NKX6-3: variants seen among roughly 807,000 people sequenced by gnomAD.
NKX6-3 encodes the protein NK6 homeobox 3.
In NKX6-3, 17 loss-of-function variants were observed where a neutral mutation model predicts 22.0. That is an observed-to-expected ratio of 0.77 (90% CI 0.53 to 1.16). NKX6-3 has a LOEUF of 1.16. Ranked by LOEUF, NKX6-3 falls within the 50% of genes most tolerant of loss-of-function variation. The probability of loss-of-function intolerance (pLI) is 0.00; values close to 1 mark genes in which losing one functional copy is unlikely to be tolerated. For missense variants in NKX6-3, 363 were observed against 359.0 expected (o/e 1.01, Z -0.09); for synonymous variants, 177 against 167.2 (o/e 1.06, Z -0.45).
chr8:41,646,919 CCCTCTCCCTCCCCCTCCCCCTCCCCT>C (rs1804218483), intron 2 of NKX6-3, among the ~76,000 whole-genome samples: 1 of 26,568 alleles, frequency 3.8e-5, no homozygotes. Context: ...CGCCTCCTCC[CCCTCTCCCTCCCCCTCCCCCTCCCCT>C]CCCCCTCCCC....
At chr8:41,648,802 G>A (rs534165648) in intron 1 of NKX6-3, among the ~76,000 whole-genome samples, 5 of 152,348 alleles carry the variant, frequency 3.3e-5, no homozygotes, top group African/African-American at 1.2e-4. Flanking sequence ...CAGAGACCCT[G>A]ACCCCCAGCC....
At chr8:41,648,729 C>T (rs1023092942) in intron 1 of NKX6-3, among the ~76,000 whole-genome samples, 2 of 152,244 alleles carry the variant, frequency 1.3e-5, no homozygotes, top group Admixed American at 1.3e-4. Flanking sequence ...CTGCCACTTC[C>T]CCATGTCACC....
At position 41,650,339 on chromosome 8, in the gene NKX6-3, G is replaced by A; in HGVS notation, c.154C>T (p.Pro52Ser). ...GLGPQLAAGT[P>S]HGITDILSRP... ...CTCAGGATGTCCGTGATCCCGTGGG[G>A]GGTTCCGGCGGCCAGCTGGGGGCCC... Residue 52 changes from proline to serine, a missense_variant, in exon 1 of 3, where the codon CCC (proline) becomes TCC (serine). Coordinates refer to ENST00000518699, the MANE Select transcript of NKX6-3 (RefSeq NM_001364841.2). The A allele has an allele frequency of 2.0e-6, 3 of 1,535,062 alleles. No individual in the cohort carries two copies. Among genetic ancestry groups the A allele is most frequent in the African/African-American group, 1.4e-5 (1 of 73,150 alleles).
chr8:41,650,672 G>A lies in NKX6-3; in HGVS notation c.-180C>T, dbSNP rs913780232. 9 of 630,100 alleles carry A rather than the reference G, an allele frequency of 1.4e-5. No individual in the cohort carries two copies. Among genetic ancestry groups the A allele is most frequent in the East Asian group, 5.8e-5 (2 of 34,762 alleles). The allele number at this position is 630,100 out of a possible 1,614,324, so 39.0% of individuals were successfully genotyped here. ...GGAACCGGCACCCGATCAGCTGCTC[G>A]GAAGTCAGGTGCTCGGGGCAGGTGG... is the stretch of plus-strand genomic sequence containing the variant. On this transcript the variant is annotated 5_prime_UTR_variant, in exon 1 of 3. Coordinates refer to ENST00000518699, the MANE Select transcript of NKX6-3 (RefSeq NM_001364841.2).
At chr8:41,648,789 G>C (rs1255953039) in intron 1 of NKX6-3, among the ~76,000 whole-genome samples, 1 of 152,236 alleles carries the variant, frequency 6.6e-6, no homozygotes, top group African/African-American at 2.4e-5. Context: ...CTGGCACAGA[G>C]GCCAGAGACC....
chr8:41,650,203 A>G lies in NKX6-3; in HGVS notation c.290T>C (p.Phe97Ser), dbSNP rs1283692051. Residue 97 changes from phenylalanine to serine, a missense_variant, in exon 1 of 3, where the codon TTT (phenylalanine) becomes TCT (serine). By Grantham distance (155) the Phe-to-Ser change is radical (BLOSUM62 -2). Coordinates refer to ENST00000518699, the MANE Select transcript of NKX6-3 (RefSeq NM_001364841.2). ...CGGGTACTCGTTCCCAGCCTTGGAA[A>G]AATTCCCTACCTGGGGGCTGTAGTA... ...GVYYSPQVGN[F>S]SKAGNEYPTR... The G allele has an allele frequency of 3.3e-6, 5 of 1,534,828 alleles. No individual in the cohort carries two copies. In the East Asian group the frequency reaches 9.8e-5, roughly 30 times the overall value.
chr8:41,647,494 G>A lies in NKX6-3; in HGVS notation c.552+572C>T, dbSNP rs540598057. 8.3e-4 allele frequency: 663 copies of A among 799,882 alleles called. 1 individual carries two copies. Among genetic ancestry groups the A allele is most frequent in the Admixed American group, 3.2e-3 (103 of 31,772 alleles). 49.5% of individuals were successfully genotyped at this position (799,882 alleles called of 1,614,324 possible). ...CCCTGCGTGTGGAGTGGGAGAGCCT[G>A]GGCTCACCCTCCCTAGCCCTGGCGT... On this transcript the variant is annotated intron_variant, in intron 2 of 2. Transcript: ENST00000518699.
chr8:41,649,137 TGAGA>T (rs1804265132), intron 1 of NKX6-3, among the ~76,000 whole-genome samples: 1 of 152,060 alleles, frequency 6.6e-6, no homozygotes, highest in African/African-American at 2.4e-5. Context: ...AAACAGGATC[TGAGA>T]GAGGAGGCCT....
chr8:41,648,697 G>A (rs935166589), intron 1 of NKX6-3, among the ~76,000 whole-genome samples: 1 of 152,228 alleles, frequency 6.6e-6, no homozygotes, highest in African/African-American at 2.4e-5. Flanking sequence ...AAACCAGGGA[G>A]GGGCAAACCT....
rs960216107 is a variant in NKX6-3 at position 41,650,043 on chromosome 8, C to T, written c.382+68G>A. On this transcript the variant is annotated intron_variant, in intron 1 of 2. Transcript: ENST00000518699. ...GGTGCAGGGTGCCCGGGAGGAGGCCCCTCCTCGTCCTCTGCCCCCCGGGGC... is the reference window on the plus strand; with the variant it reads ...GGTGCAGGGTGCCCGGGAGGAGGCCTCTCCTCGTCCTCTGCCCCCCGGGGC... The T allele has an allele frequency of 4.5e-4, 664 of 1,459,590 alleles. 3 individuals are homozygous for T. Among genetic ancestry groups the T allele is most frequent in the Middle Eastern group, 1.2e-3 (5 of 4,276 alleles). 90.4% of individuals were successfully genotyped at this position (1,459,590 alleles called of 1,614,324 possible).
At chr8:41,647,305 C>T in intron 2 of NKX6-3, 1 of 1,597,468 alleles carries the variant, frequency 6.3e-7, no homozygotes, top group South Asian at 1.1e-5. Context: ...CGGGGAGGCC[C>T]CAGGGCCCTG....
chr8:41,647,282 G>A (rs746024151), intron 2 of NKX6-3: 1 of 1,605,836 alleles, frequency 6.2e-7, no homozygotes, highest in Non-Finnish European at 8.5e-7. Flanking sequence ...GGAGGGCGCA[G>A]CGGGTTGGAG....
chr8:41,648,635 C>T (rs1340296877), intron 1 of NKX6-3, among the ~76,000 whole-genome samples: 25 of 152,362 alleles, frequency 1.6e-4, no homozygotes, highest in Non-Finnish European at 1.5e-5. Context: ...CCTCCACCCC[C>T]GGCTTCCGCC....
In NKX6-3 at chr8:41,646,597, G is replaced by C. The variant is rs1376397939; in HGVS notation, c.650C>G (p.Ala217Gly). 6.3e-7 allele frequency: 1 copy of C among 1,575,230 alleles called. No individual in the cohort carries two copies. The highest frequency in any genetic ancestry group is 8.6e-7 in the Non-Finnish European group (1 of 1,161,366). Residue 217 changes from alanine to glycine, a missense_variant, in exon 3 of 3, where the codon GCA (alanine) becomes GGA (glycine). This residue lies in a region of NKX6-3 where 169 missense variants were observed against 155.8 expected (regional missense o/e 1.08). Coordinates refer to ENST00000518699, the MANE Select transcript of NKX6-3 (RefSeq NM_001364841.2). ...CTCCGAGGGTGCGCGGTCCCCGCCT[G>C]CGCCTGCACCCGCGCCGCCCGGGGC... is the stretch of plus-strand genomic sequence containing the variant. ...PRAPGGAGAG[A>G]GGDRAPSENE...
chr8:41,647,994 C>G (rs1235222552), intron 2 of NKX6-3, 72 bp downstream of exon 2: 1 of 1,372,478 alleles, frequency 7.3e-7, no homozygotes, highest in Non-Finnish European at 9.8e-7. Flanking sequence ...GGCCACCTCT[C>G]TCCAACGCAG....
At position 41,648,184 on chromosome 8, in the gene NKX6-3, G is replaced by A; in HGVS notation, c.434C>T (p.Thr145Ile). Residue 145 changes from threonine to isoleucine, a missense_variant, in exon 2 of 3, where the codon ACC (threonine) becomes ATC (isoleucine). Physicochemically the swap from Thr to Ile is moderately conservative, Grantham distance 89 (BLOSUM62 -1). Coordinates refer to ENST00000518699, the MANE Select transcript of NKX6-3 (RefSeq NM_001364841.2). Reference sequence around the variant, plus strand: ...GGCAAAGATCTGGTGCCCCGTGAAGGTGGGCCGGGTGTGCTTCTTCTTGTG... The same window carrying A: ...GGCAAAGATCTGGTGCCCCGTGAAGATGGGCCGGGTGTGCTTCTTCTTGTG... ...SIHKKKHTRP[T>I]FTGHQIFALE... 6.5e-7 allele frequency: 1 copy of A among 1,538,358 alleles called. No homozygotes were observed. The highest frequency in any genetic ancestry group is 1.2e-5 in the South Asian group (1 of 84,062).
Position 41,646,401 on chromosome 8 carries a change from C to T in NKX6-3, c.*48G>A. Reference sequence around the variant, plus strand: ...GGGGAGGGGAAGGTAGGCTCCTCGGCGTCCCCCCGCAGGCTGCAGCCAGGA... The same window carrying T: ...GGGGAGGGGAAGGTAGGCTCCTCGGTGTCCCCCCGCAGGCTGCAGCCAGGA... On this transcript the variant is annotated 3_prime_UTR_variant, in exon 3 of 3. Transcript: ENST00000518699. 1 of 1,545,042 alleles carries T rather than the reference C, an allele frequency of 6.5e-7. No individual in the cohort carries two copies. The highest frequency in any genetic ancestry group is 8.7e-7 in the Non-Finnish European group (1 of 1,150,986).
chr8:41,646,279 C>G lies in NKX6-3; in HGVS notation c.*170G>C. On this transcript the variant is annotated 3_prime_UTR_variant, in exon 3 of 3. Transcript: ENST00000518699. ...TTCCCTCCTTTTCCTCCTCCTCCCC[C>G]GCCTCCCCTCCTCCTCCCCTGCACC... 1 of 879,444 alleles carries G rather than the reference C, an allele frequency of 1.1e-6. No individual in the cohort carries two copies. Among genetic ancestry groups the G allele is most frequent in the Non-Finnish European group, 1.7e-6 (1 of 588,686 alleles). The allele number at this position is 879,444 out of a possible 1,614,324, so 54.5% of individuals were successfully genotyped here.
chr8:41,649,736 G>A (rs557440266), intron 1 of NKX6-3, among the ~76,000 whole-genome samples: 1 of 152,328 alleles, frequency 6.6e-6, no homozygotes, highest in South Asian at 2.1e-4. Flanking sequence ...GCATTTGCCT[G>A]CTTTGGGTGA....
Sources: gnomAD v4.1 joint callset for allele counts (sites outside exome capture counted in the v4.1 genomes callset) on GRCh38, gnomAD v4.1.1 for gene constraint, gnomAD v4.1.1 regional missense constraint, MANE v1.5 for transcripts, NCBI Gene and HGNC (gene_info 2026-07-23, HGNC 2026-07-21) for gene names.